Variants in EDA observed in about 807,000 individuals in gnomAD.
EDA encodes the protein ectodysplasin A.
In EDA, 2 loss-of-function variants were observed where a neutral mutation model predicts 23.6. The ratio of observed to expected loss-of-function variants is 0.08; its 90% CI spans 0.03 to 0.27. EDA has a LOEUF of 0.27. Ranked by LOEUF, EDA falls within the 10% of genes least tolerant of loss-of-function variation. The pLI, the probability that EDA is intolerant of heterozygous loss-of-function variation, is 1.00. For missense variants in EDA, 229 were observed against 324.2 expected (o/e 0.71, Z 2.26); for synonymous variants, 131 against 132.0 (o/e 0.99, Z 0.05).
chrX:69,689,586 C>T (rs1025693573), intron 1 of EDA, among the ~76,000 whole-genome samples: 1 of 110,791 alleles, frequency 9.0e-6, no homozygotes. Flanking sequence ...CCACCCACCT[C>T]GGCCTCCCAA....
intron 1 of EDA, among the ~76,000 whole-genome samples, chrX:69,766,186 C>T (rs2014464683): frequency 8.9e-6 from 1 of 111,801 alleles, no homozygotes; most frequent in South Asian, 3.7e-4. Context: ...CCCTGTTCTG[C>T]TGTTGAGCCC....
At chrX:69,856,074 TC>T (rs2017241603) in intron 1 of EDA, among the ~76,000 whole-genome samples, 1 of 110,380 alleles carries the variant, frequency 9.1e-6, no homozygotes, top group East Asian at 2.9e-4. Context: ...GTCCCCAAAG[TC>T]CATTGTATCA....
intron 1 of EDA, among the ~76,000 whole-genome samples, chrX:69,704,506 A>G (rs2011631290): frequency 9.1e-6 from 1 of 110,132 alleles, no homozygotes; most frequent in African/African-American, 3.3e-5. Flanking sequence ...CTGAATTTCA[A>G]AAGGGGGGAG....
chrX:69,924,561 T>G (rs2018484082), intron 1 of EDA, among the ~76,000 whole-genome samples: 1 of 111,882 alleles, frequency 8.9e-6, no homozygotes, highest in Admixed American at 9.5e-5. Flanking sequence ...CCTTGTAGTA[T>G]AGTTTGAAGT....
chrX:70,018,021 A>G (rs902374602), intron 2 of EDA, among the ~76,000 whole-genome samples: 4 of 112,017 alleles, frequency 3.6e-5, no homozygotes, highest in African/African-American at 1.3e-4. Context: ...TATAAAATCA[A>G]TGTACAAAAA....
chrX:69,946,979 A>G (rs1391977062), intron 1 of EDA, among the ~76,000 whole-genome samples: 1 of 112,597 alleles, frequency 8.9e-6, no homozygotes, highest in African/African-American at 3.2e-5. Context: ...ACAATTCACA[A>G]TTAAGAGGTT....
chrX:69,727,322 A>T (rs144701488), intron 1 of EDA, among the ~76,000 whole-genome samples: 1 of 112,116 alleles, frequency 8.9e-6, no homozygotes, highest in Non-Finnish European at 1.9e-5. Context: ...TGAGCATGAA[A>T]ACAGGACTAC....
At chrX:69,870,688 C>G (rs1014405682) in intron 1 of EDA, among the ~76,000 whole-genome samples, 3 of 111,480 alleles carry the variant, frequency 2.7e-5, no homozygotes, top group Non-Finnish European at 1.9e-5. Flanking sequence ...CATCAGGGTC[C>G]TCCCACGCAT....
chrX:69,935,840 C>CA (rs1285676572), intron 1 of EDA, among the ~76,000 whole-genome samples: 21 of 108,381 alleles, frequency 1.9e-4, no homozygotes, highest in South Asian at 3.9e-4. Context: ...AAGATATACA[C>CA]AAAAAAAACA....
At position 69,854,795 on chromosome X, in the gene EDA, C is replaced by T. The variant is rs1448785611; in HGVS notation, c.397-102232C>T. Among the ~76,000 whole-genome samples the T allele has an allele frequency of 7.2e-5, 8 of 111,731 alleles. No homozygotes were observed. The East Asian group carries it at 2.3e-3, about 32-fold the overall frequency. ...GCATGCATGTGTCTTTATAATAGAA[C>T]AATTTATATTCCTTTGGGTATATAC... On this transcript the variant is annotated intron_variant, in intron 1 of 7. Transcript: ENST00000374552.
At chrX:69,676,148 A>G (rs897385105) in intron 1 of EDA, among the ~76,000 whole-genome samples, 1 of 111,342 alleles carries the variant, frequency 9.0e-6, no homozygotes, top group African/African-American at 3.3e-5. Flanking sequence ...GTCATTGTAA[A>G]GACTTTGGCT....
intron 1 of EDA, among the ~76,000 whole-genome samples, chrX:69,883,777 T>C (rs1239153573): frequency 8.9e-6 from 1 of 111,829 alleles, no homozygotes; most frequent in Admixed American, 9.6e-5. Context: ...TAGAAGTCTT[T>C]GATCAACTAA....
chrX:69,977,058 A>G (rs1412753842), intron 2 of EDA, among the ~76,000 whole-genome samples: 2 of 111,994 alleles, frequency 1.8e-5, no homozygotes, highest in Non-Finnish European at 3.8e-5. Flanking sequence ...TCATATGCTT[A>G]GGAAACACAC....
At chrX:69,818,818 A>G (rs2016142985) in intron 1 of EDA, among the ~76,000 whole-genome samples, 1 of 112,096 alleles carries the variant, frequency 8.9e-6, no homozygotes, top group Non-Finnish European at 1.9e-5. Context: ...TTTCTACTGA[A>G]ACTATTCTAA....
intron 1 of EDA, among the ~76,000 whole-genome samples, chrX:69,639,197 G>A (rs1190857746): frequency 9.0e-6 from 1 of 111,142 alleles, no homozygotes. Context: ...TTCCACCTTG[G>A]GGTATTGTGA....
At position 69,824,071 on chromosome X, in the gene EDA, AC is replaced by A. The variant is rs1164944543; in HGVS notation, c.397-132954del. On this transcript the variant is annotated intron_variant, in intron 1 of 7. Transcript: ENST00000374552. ...CATTGATCTATATCTCTGTTTTGGT[AC>A]CAGTACCATGCTGTTTTGGTTACTG... is the stretch of plus-strand genomic sequence containing the variant. Among the ~76,000 whole-genome samples, 4 of 97,555 alleles carry A rather than the reference AC, an allele frequency of 4.1e-5. No homozygotes were observed. In the East Asian group the frequency reaches 1.4e-3, roughly 33 times the overall value. The allele number at this position is 97,555 out of a possible 115,157, so 84.7% of individuals were successfully genotyped here.
At chrX:69,916,738 A>C (rs2018352239) in intron 1 of EDA, among the ~76,000 whole-genome samples, 1 of 109,757 alleles carries the variant, frequency 9.1e-6, no homozygotes, top group Non-Finnish European at 1.9e-5. Context: ...TTATTGAAAA[A>C]TTTGAGAAGC....
intron 1 of EDA, among the ~76,000 whole-genome samples, chrX:69,699,080 C>A (rs1023531217): frequency 9.0e-6 from 1 of 110,794 alleles, no homozygotes; most frequent in Admixed American, 9.6e-5. Context: ...AAGGCAGTGG[C>A]GGAGGGACCC....
At position 70,038,453 on chromosome X, in the gene EDA, C is replaced by G. The variant is rs1175225347; in HGVS notation, c.*2844C>G. 9.0e-6 allele frequency: 1 copy of G among 110,603 alleles called. No individual in the cohort carries two copies. Among genetic ancestry groups the G allele is most frequent in the African/African-American group, 3.3e-5 (1 of 30,323 alleles). 9.1% of individuals were successfully genotyped at this position (110,603 alleles called of 1,213,427 possible). ...GTGTGAATTTGCCAGAGGACCAATG[C>G]TTGCATGGAGAATGGGACGAGGACA... On this transcript the variant is annotated 3_prime_UTR_variant, in exon 8 of 8. Coordinates refer to ENST00000374552, the MANE Select transcript of EDA (RefSeq NM_001399.5).
Sources: gnomAD v4.1 joint callset for allele counts (sites outside exome capture counted in the v4.1 genomes callset) on GRCh38, gnomAD v4.1.1 for gene constraint, MANE v1.5 for transcripts, NCBI Gene and HGNC (gene_info 2026-07-23, HGNC 2026-07-21) for gene names.